GRHL2: variants seen among roughly 807,000 people sequenced by gnomAD.
GRHL2 encodes the protein grainyhead like transcription factor 2, also known as grainyhead-like protein 2 homolog.
In GRHL2, 21 loss-of-function variants were observed where a neutral mutation model predicts 83.8. The observed-to-expected ratio is 0.25, with a 90% confidence interval of 0.18 to 0.36. The LOEUF (loss-of-function observed/expected upper bound fraction) is 0.36. Among genes scored for constraint, GRHL2 ranks in the 10% least tolerant of loss-of-function variants. The pLI is 1.00. For synonymous variants in GRHL2, 280 were observed against 278.9 expected, an observed-to-expected ratio of 1.00 and a Z score of -0.04; for missense variants, 623 against 781.8, an observed-to-expected ratio of 0.80 and a Z score of 2.42.
intron 7 of GRHL2, among the ~76,000 whole-genome samples, chr8:101,598,435 T>G (rs1216091580): frequency 6.6e-6 from 1 of 151,918 alleles, no homozygotes; most frequent in Admixed American, 6.6e-5. Flanking sequence ...AGACAGGGTT[T>G]CACCATGTTA....
chr8:101,573,567 C>A, intron 5 of GRHL2, 101 bp from the exon 6 acceptor site: 2 of 1,413,152 alleles, frequency 1.4e-6, no homozygotes, highest in Non-Finnish European at 2.0e-6. Context: ...AAACAGTAAA[C>A]ATTGGTTAAT....
In GRHL2 at chr8:101,669,266, T is replaced by TTTTTTTTTTTTTTTA. The variant is rs1554599109; in HGVS notation, c.*2563_*2564insTTTTTTTTTTTTTTA. On this transcript the variant is annotated 3_prime_UTR_variant, in exon 16 of 16. Transcript: ENST00000646743. ...TGAGCATTTTTTTCTTTTTTTTTTT[T>TTTTTTTTTTTTTTTA]AACAAAGTCTGAACTGAACAGAACA... 3 of 150,774 alleles carry TTTTTTTTTTTTTTTA rather than the reference T, an allele frequency of 2.0e-5. No homozygotes were observed. Among genetic ancestry groups the TTTTTTTTTTTTTTTA allele is most frequent in the Non-Finnish European group, 3.0e-5 (2 of 67,678 alleles). The allele number at this position is 150,774 out of a possible 1,614,324, so 9.3% of individuals were successfully genotyped here.
At chr8:101,502,231 T>C (rs554948522) in intron 1 of GRHL2, among the ~76,000 whole-genome samples, 1 of 152,200 alleles carries the variant, frequency 6.6e-6, no homozygotes, top group Non-Finnish European at 1.5e-5. Context: ...AACTAAATGA[T>C]CTCCGTGAAT....
intron 13 of GRHL2, among the ~76,000 whole-genome samples, chr8:101,648,261 A>C (rs894703424): frequency 5.3e-5 from 8 of 152,132 alleles, no homozygotes; most frequent in Non-Finnish European, 1.2e-4. Flanking sequence ...CGTCTGTGGG[A>C]CCCTGGGGGA....
At chr8:101,614,150 G>A (rs1366824959) in intron 8 of GRHL2, among the ~76,000 whole-genome samples, 1 of 150,992 alleles carries the variant, frequency 6.6e-6, no homozygotes, top group Non-Finnish European at 1.5e-5. Context: ...ATGTACAACT[G>A]AGGGGTATTA....
chr8:101,630,316 T>C (rs1274069431), intron 9 of GRHL2, among the ~76,000 whole-genome samples: 1 of 152,230 alleles, frequency 6.6e-6, no homozygotes, highest in African/African-American at 2.4e-5. Flanking sequence ...TGTTTTGTAA[T>C]AATTCAAACC....
chr8:101,560,870 A>G (rs1425321903), intron 4 of GRHL2, among the ~76,000 whole-genome samples: 1 of 152,182 alleles, frequency 6.6e-6, no homozygotes, highest in Admixed American at 6.5e-5. Context: ...ATTAAGTTGT[A>G]AGAGTTCTTT....
chr8:101,594,718 T>C (rs1812356511), intron 7 of GRHL2, among the ~76,000 whole-genome samples: 1 of 152,192 alleles, frequency 6.6e-6, no homozygotes, highest in Non-Finnish European at 1.5e-5. Flanking sequence ...GTGCATGACA[T>C]TAGTCTCTTA....
rs541380999 is a variant in GRHL2 at position 101,571,428 on chromosome 8, G to A, written c.734+1034G>A. On this transcript the variant is annotated intron_variant, in intron 5 of 15. Transcript: ENST00000646743. The stretch of plus-strand genomic sequence containing the variant: ...CCAGCACTTTGGGAGGCCGAGGTGG[G>A]AGGATCACTTGAGCTCAGAAGTTCA... 1.5e-4 allele frequency among the ~76,000 whole-genome samples: 22 copies of A among 150,652 alleles called. No homozygotes were observed. In the South Asian group the frequency reaches 4.6e-3, roughly 32 times the overall value.
intron 2 of GRHL2, chr8:101,543,733 G>T: frequency 7.6e-6 from 3 of 395,746 alleles, no homozygotes; most frequent in South Asian, 7.1e-5. Context: ...CTTCCTTGTT[G>T]CTATGTTTAC....
intron 14 of GRHL2, among the ~76,000 whole-genome samples, chr8:101,655,760 T>C (rs901729823): frequency 1.3e-5 from 2 of 152,278 alleles, no homozygotes; most frequent in African/African-American, 4.8e-5. Flanking sequence ...GGCTTCTTTA[T>C]TGTTATAATT....
intron 4 of GRHL2, among the ~76,000 whole-genome samples, chr8:101,565,027 T>G (rs1391134335): frequency 6.6e-6 from 1 of 152,192 alleles, no homozygotes; most frequent in Admixed American, 6.5e-5. Flanking sequence ...AGGGAAATAA[T>G]GCTAGATGCC....
intron 7 of GRHL2, among the ~76,000 whole-genome samples, chr8:101,589,782 A>G (rs774185517): frequency 2.0e-5 from 3 of 152,220 alleles, no homozygotes; most frequent in Non-Finnish European, 4.4e-5. Flanking sequence ...TGATATATTA[A>G]TAGACGGGTC....
chr8:101,590,989 G>T (rs1185036648), intron 7 of GRHL2, among the ~76,000 whole-genome samples: 2 of 152,150 alleles, frequency 1.3e-5, no homozygotes, highest in African/African-American at 4.8e-5. Flanking sequence ...AGCGTGTGAA[G>T]CTCAATTAAG....
At chr8:101,663,207 C>T (rs1813962562) in intron 14 of GRHL2, among the ~76,000 whole-genome samples, 1 of 152,034 alleles carries the variant, frequency 6.6e-6, no homozygotes, top group Non-Finnish European at 1.5e-5. Context: ...AAATTTCTTT[C>T]CAAGAGGTTG....
intron 1 of GRHL2, among the ~76,000 whole-genome samples, chr8:101,535,695 C>G (rs371151703): frequency 2.0e-4 from 31 of 152,164 alleles, no homozygotes; most frequent in African/African-American, 7.5e-4. Context: ...CGCACCACCA[C>G]ACCTGGCTAA....
intron 1 of GRHL2, among the ~76,000 whole-genome samples, chr8:101,516,410 C>CTTTTTT (rs33990862): frequency 2.3e-5 from 2 of 86,002 alleles, no homozygotes; most frequent in Non-Finnish European, 4.5e-5. Flanking sequence ...ACCTCTTTTC[C>CTTTTTT]TTTTTTTTTT....
intron 11 of GRHL2, among the ~76,000 whole-genome samples, chr8:101,635,450 A>G (rs1813266764): frequency 6.6e-6 from 1 of 152,206 alleles, no homozygotes; most frequent in Non-Finnish European, 1.5e-5. Context: ...GGCTGCTTCC[A>G]TCTTTTAGTC....
intron 1 of GRHL2, among the ~76,000 whole-genome samples, chr8:101,513,390 G>A (rs969602707): frequency 1.3e-5 from 2 of 151,914 alleles, no homozygotes; most frequent in Non-Finnish European, 2.9e-5. Flanking sequence ...GTGAGACATG[G>A]TAAACACTCA....
Sources: allele counts gnomAD v4.1 joint callset (sites outside exome capture counted in the v4.1 genomes callset), GRCh38; gene constraint gnomAD v4.1.1; transcripts MANE v1.5; gene names NCBI Gene and HGNC (gene_info 2026-07-23, HGNC 2026-07-21).